Variants in STPG2 observed in about 807,000 individuals in gnomAD.
STPG2 encodes the protein sperm tail PG-rich repeat containing 2, also known as sperm-tail PG-rich repeat-containing protein 2.
Under a neutral mutation model 54.2 loss-of-function variants are expected in STPG2, and 56 were observed. The observed-to-expected ratio is 1.03, with a 90% CI of 0.83 to 1.29. The LOEUF (loss-of-function observed/expected upper bound fraction) is 1.29, where lower values mean the gene tolerates loss of function less well. Ranked by LOEUF, STPG2 falls within the 50% of genes most tolerant of loss-of-function variation. The pLI is 0.00. For synonymous variants in STPG2, 200 were observed against 181.8 expected (o/e 1.10, Z -0.81); for missense variants, 596 against 544.9 (o/e 1.09, Z -0.93).
At chr4:98,036,133 A>C (rs1346390813) in intron 5 of STPG2, among the ~76,000 whole-genome samples, 2 of 152,008 alleles carry the variant, frequency 1.3e-5, no homozygotes, top group Non-Finnish European at 2.9e-5. Flanking sequence ...TACTCAAAAA[A>C]AGAGAAAAAA....
chr4:97,805,491 G>T (rs547359592), intron 9 of STPG2, among the ~76,000 whole-genome samples: 2 of 152,190 alleles, frequency 1.3e-5, no homozygotes, highest in Admixed American at 6.5e-5. Context: ...GATTACAGGC[G>T]TGAGCCACCG....
intron 10 of STPG2, among the ~76,000 whole-genome samples, chr4:97,580,984 G>A (rs1160872902): frequency 1.3e-5 from 2 of 151,854 alleles, no homozygotes; most frequent in Admixed American, 6.6e-5. Context: ...TATAAATTTT[G>A]ATTAAAAGTT....
chr4:97,872,640 A>G (rs1406517347), intron 8 of STPG2, among the ~76,000 whole-genome samples: 3 of 151,340 alleles, frequency 2.0e-5, no homozygotes, highest in Non-Finnish European at 4.4e-5. Context: ...ATGGAAAGAT[A>G]TCTTTAATCT....
intron 10 of STPG2, among the ~76,000 whole-genome samples, chr4:97,654,616 G>T (rs1471355542): frequency 6.6e-6 from 1 of 151,816 alleles, no homozygotes; most frequent in African/African-American, 2.4e-5. Context: ...TTTATTATTA[G>T]TTATCTTCAC....
chr4:97,867,247 T>C (rs766892820), intron 8 of STPG2, among the ~76,000 whole-genome samples: 1 of 151,968 alleles, frequency 6.6e-6, no homozygotes, highest in Non-Finnish European at 1.5e-5. Context: ...CTCCTTTTCC[T>C]TTGGTATTTT....
chr4:97,897,893 G>A (rs1731021451), intron 8 of STPG2, among the ~76,000 whole-genome samples: 1 of 151,508 alleles, frequency 6.6e-6, no homozygotes, highest in African/African-American at 2.4e-5. Flanking sequence ...TTGCCATGCA[G>A]AAGCTCTTAA....
In STPG2 at chr4:97,687,112, T is replaced by A. The variant is rs1184614023; in HGVS notation, c.1320+25587A>T. On this transcript the variant is annotated intron_variant, in intron 10 of 10. Transcript: ENST00000295268. The stretch of plus-strand genomic sequence containing the variant: ...CTGGCCACCACGCCTGGCTAAATTT[T>A]TTTTTTATTTTTTATTTTTAGTAGA... Among the ~76,000 whole-genome samples, 4 of 151,664 alleles carry A rather than the reference T, an allele frequency of 2.6e-5. No individual in the cohort carries two copies. The East Asian group carries it at 7.8e-4, about 30-fold the overall frequency.
intron 10 of STPG2, among the ~76,000 whole-genome samples, chr4:97,571,161 T>G (rs1029676823): frequency 1.3e-5 from 2 of 152,082 alleles, no homozygotes; most frequent in East Asian, 1.9e-4. Flanking sequence ...CAAATATAAG[T>G]ATTAATTATT....
intron 5 of STPG2, among the ~76,000 whole-genome samples, chr4:98,051,545 G>A (rs745982788): frequency 6.6e-6 from 1 of 152,026 alleles, no homozygotes; most frequent in Non-Finnish European, 1.5e-5. Flanking sequence ...CTCTCATCAC[G>A]TGATACTTTC....
chr4:97,956,055 A>C (rs1733659445), intron 7 of STPG2, among the ~76,000 whole-genome samples: 1 of 152,192 alleles, frequency 6.6e-6, no homozygotes, highest in Admixed American at 6.5e-5. Context: ...ACAATAGAGA[A>C]ATAAATAAAA....
Position 97,739,699 on chromosome 4 carries a change from C to A in STPG2, c.1205-26885G>T, listed in dbSNP as rs189149250. Among the ~76,000 whole-genome samples the A allele has an allele frequency of 5.6e-4, 86 of 152,258 alleles. 1 individual carries two copies. The highest frequency in any genetic ancestry group is 4.1e-3 in the East Asian group (21 of 5,172). On this transcript the variant is annotated intron_variant, in intron 9 of 10. Transcript: ENST00000295268. ...AATCTCTGAATAGACCAATAACAGG[C>A]TCTGAAATTGTGGCAATAATCAGTA...
chr4:97,687,019 C>A (rs1008984811), intron 10 of STPG2, among the ~76,000 whole-genome samples: 3 of 151,454 alleles, frequency 2.0e-5, no homozygotes, highest in Non-Finnish European at 4.4e-5. Flanking sequence ...GGGCTCACTG[C>A]AAGCTCCGCC....
chr4:97,966,945 C>A (rs1734122709), intron 7 of STPG2, among the ~76,000 whole-genome samples: 1 of 152,108 alleles, frequency 6.6e-6, no homozygotes, highest in Non-Finnish European at 1.5e-5. Context: ...GAAGAAACAG[C>A]ATCAACTAAT....
intron 9 of STPG2, among the ~76,000 whole-genome samples, chr4:97,747,401 C>T (rs1349223722): frequency 2.6e-5 from 4 of 151,450 alleles, no homozygotes; most frequent in Admixed American, 6.6e-5. Flanking sequence ...CTACTCTCAA[C>T]GACTACACTC....
At chr4:97,926,633 G>A (rs1018318955) in intron 8 of STPG2, among the ~76,000 whole-genome samples, 3 of 152,040 alleles carry the variant, frequency 2.0e-5, no homozygotes, top group African/African-American at 7.2e-5. Flanking sequence ...TTCTGACATA[G>A]AAATTCTAAT....
chr4:97,597,565 A>G (rs1490112667), intron 10 of STPG2, among the ~76,000 whole-genome samples: 2 of 152,168 alleles, frequency 1.3e-5, no homozygotes, highest in Admixed American at 6.5e-5. Context: ...CCTGGGATGC[A>G]AGGTTGTTTC....
intron 9 of STPG2, among the ~76,000 whole-genome samples, chr4:97,828,067 C>A (rs377076999): frequency 2.0e-5 from 3 of 152,148 alleles, no homozygotes; most frequent in Non-Finnish European, 4.4e-5. Flanking sequence ...TAAAAAGCCT[C>A]TATAAAATAA....
chr4:98,135,693 G>C (rs1024215224), intron 1 of STPG2, among the ~76,000 whole-genome samples: 8 of 151,700 alleles, frequency 5.3e-5, no homozygotes, highest in African/African-American at 1.7e-4. Flanking sequence ...AAAAGGAAGG[G>C]AAAGGGAGGA....
At chr4:97,746,583 G>A (rs1725426503) in intron 9 of STPG2, among the ~76,000 whole-genome samples, 1 of 151,308 alleles carries the variant, frequency 6.6e-6, no homozygotes, top group South Asian at 2.1e-4. Context: ...GGATTTAGTA[G>A]AGAGTGCATA....
Sources: allele counts gnomAD v4.1 joint callset (sites outside exome capture counted in the v4.1 genomes callset), GRCh38; gene constraint gnomAD v4.1.1; transcripts MANE v1.5; gene names NCBI Gene and HGNC (gene_info 2026-07-23, HGNC 2026-07-21).